SHPRH: variants seen among roughly 807,000 people sequenced by gnomAD.
SHPRH encodes E3 ubiquitin-protein ligase SHPRH.
In SHPRH, 106 loss-of-function variants were observed where a neutral mutation model predicts 202.5. That is an observed-to-expected ratio of 0.52 (90% CI 0.45 to 0.62). SHPRH has a LOEUF of 0.62. Among genes scored for constraint, SHPRH ranks in the 20% least tolerant of loss-of-function variants. The pLI is 0.00. For missense variants in SHPRH, 1,710 were observed against 2,020.0 expected, an observed-to-expected ratio of 0.85 and a Z score of 2.94; for synonymous variants, 729 against 686.0, an observed-to-expected ratio of 1.06 and a Z score of -0.98.
intron 28 of SHPRH, among the ~76,000 whole-genome samples, chr6:145,889,684 C>T (rs1562286282): frequency 6.6e-6 from 1 of 152,048 alleles, no homozygotes; most frequent in Non-Finnish European, 1.5e-5. Context: ...TAAGATATCT[C>T]ACTATGTATA....
chr6:145,906,685 C>T (rs1015722359), intron 25 of SHPRH: 1 of 152,070 alleles, frequency 6.6e-6, no homozygotes, highest in African/African-American at 2.4e-5. Flanking sequence ...GTTCTGGTTA[C>T]AATTCTGATT....
chr6:145,910,416 C>T (rs763230875), intron 25 of SHPRH, 32 bp downstream of exon 25: 12 of 1,605,236 alleles, frequency 7.5e-6, no homozygotes, highest in Non-Finnish European at 9.4e-6. Context: ...ATTGCCTTAC[C>T]TATGCTTCTA....
downstream of SHPRH, among the ~76,000 whole-genome samples, chr6:145,862,483 AAAC>A (rs1360689237): frequency 2.6e-5 from 4 of 152,184 alleles, no homozygotes; most frequent in Non-Finnish European, 4.4e-5. Context: ...AGAAAAAACA[AAAC>A]AACAAAAATG....
chr6:145,963,236 T>C (rs917664997), intron 1 of SHPRH, among the ~76,000 whole-genome samples: 4 of 152,200 alleles, frequency 2.6e-5, no homozygotes, highest in Admixed American at 1.3e-4. Flanking sequence ...TTTGTGACAG[T>C]AGAGATATCA....
At chr6:145,957,944 T>C (rs1788676949) in intron 1 of SHPRH, among the ~76,000 whole-genome samples, 1 of 152,198 alleles carries the variant, frequency 6.6e-6, no homozygotes, top group East Asian at 1.9e-4. Flanking sequence ...AACTGGTGAA[T>C]GGACAAATTG....
chr6:145,903,036 G>A (rs1429570240), intron 25 of SHPRH, among the ~76,000 whole-genome samples: 4 of 151,964 alleles, frequency 2.6e-5, no homozygotes, highest in Non-Finnish European at 2.9e-5. Context: ...CCGGTGAACA[G>A]AAATAGAAAT....
At chr6:145,947,177 A>G (rs1787477536) in intron 6 of SHPRH, among the ~76,000 whole-genome samples, 1 of 152,064 alleles carries the variant, frequency 6.6e-6, no homozygotes, top group Admixed American at 6.6e-5. Context: ...AGTAATATGG[A>G]GACTTTATTA....
chr6:145,916,416 T>C (rs1783958859), intron 23 of SHPRH, among the ~76,000 whole-genome samples: 1 of 152,114 alleles, frequency 6.6e-6, no homozygotes, highest in Non-Finnish European at 1.5e-5. Flanking sequence ...TAAAGTGCTT[T>C]TAAGAAAAGC....
At chr6:145,925,601 C>A (rs962399547) in intron 16 of SHPRH, among the ~76,000 whole-genome samples, 1 of 151,858 alleles carries the variant, frequency 6.6e-6, no homozygotes, top group Admixed American at 6.6e-5. Context: ...CTTACAGGTT[C>A]AATACATTTC....
intron 9 of SHPRH, among the ~76,000 whole-genome samples, chr6:145,942,792 A>G (rs921404372): frequency 2.0e-5 from 3 of 152,200 alleles, no homozygotes; most frequent in Admixed American, 6.5e-5. Context: ...ATGGCAGATC[A>G]GATAAGTAGC....
chr6:145,900,393 C>T (rs867019583), intron 25 of SHPRH, among the ~76,000 whole-genome samples: 10 of 151,982 alleles, frequency 6.6e-5, no homozygotes, highest in Admixed American at 6.6e-5. Context: ...CTGAAATAAA[C>T]CAGGCACAGA....
At chr6:145,936,978 C>CT (rs1206387630) in intron 11 of SHPRH, among the ~76,000 whole-genome samples, 4,421 of 125,276 alleles carry the variant, frequency 0.035, 145 homozygotes, top group Non-Finnish European at 0.055. Flanking sequence ...CATGCTTCAT[C>CT]TTTTTTTTTT....
chr6:145,896,452 CA>C (rs910762083), intron 25 of SHPRH, among the ~76,000 whole-genome samples: 5 of 151,584 alleles, frequency 3.3e-5, no homozygotes, highest in Non-Finnish European at 7.4e-5. Context: ...ACTAAAAGTT[CA>C]AAAAAAATGT....
intron 4 of SHPRH, among the ~76,000 whole-genome samples, chr6:145,949,446 T>C (rs1787748854): frequency 6.6e-6 from 1 of 152,092 alleles, no homozygotes; most frequent in South Asian, 2.1e-4. Context: ...GCAACTTGCA[T>C]GAAAATGGAG....
intron 2 of SHPRH, among the ~76,000 whole-genome samples, chr6:145,878,658 C>T (rs1266161925): frequency 2.0e-5 from 3 of 152,070 alleles, no homozygotes; most frequent in Non-Finnish European, 4.4e-5. Flanking sequence ...GAGTTTGCTC[C>T]CTGCCAAGGA....
chr6:145,894,991 C>A lies in SHPRH; in HGVS notation c.4516-14G>T, dbSNP rs768316793. 10 of 1,606,372 alleles carry A rather than the reference C, an allele frequency of 6.2e-6. No individual in the cohort carries two copies. Among genetic ancestry groups the A allele is most frequent in the Non-Finnish European group, 8.5e-6 (10 of 1,174,372 alleles). On this transcript the variant is annotated splice_polypyrimidine_tract_variant and intron_variant, in intron 25 of 29. Transcript: ENST00000275233. ...AGAATGGCTGCCCTTTGAACACACA[C>A]ACAAAATACACATTACTACTAAAAA...
At chr6:145,883,634 C>G (rs542851274), downstream of SHPRH, 1 of 152,170 alleles carries the variant, frequency 6.6e-6, no homozygotes, top group Non-Finnish European at 1.5e-5. Flanking sequence ...TTCTTGTAAA[C>G]AGAAAATTTT....
At chr6:145,858,066 A>G in the SHPRH span, among the ~76,000 whole-genome samples, 1 of 152,148 alleles carries the variant, frequency 6.6e-6, no homozygotes, top group African/African-American at 2.4e-5. Flanking sequence ...GACTATACTA[A>G]GAGTTGGTGA....
At chr6:145,917,099 T>C (rs1279908721) in intron 23 of SHPRH, 1 of 152,168 alleles carries the variant, frequency 6.6e-6, no homozygotes, top group East Asian at 1.9e-4. Flanking sequence ...TGAAACTTTT[T>C]AATTTTTTTC....
Sources: gnomAD v4.1 joint callset for allele counts (sites outside exome capture counted in the v4.1 genomes callset) on GRCh38, gnomAD v4.1.1 for gene constraint, MANE v1.5 for transcripts, NCBI Gene and HGNC (gene_info 2026-07-23, HGNC 2026-07-21) for gene names.